Variants in TTC21A observed in about 807,000 individuals in gnomAD.
TTC21A encodes tetratricopeptide repeat domain 21A, also known as tetratricopeptide repeat protein 21A.
A neutral mutation model predicts 156.4 loss-of-function variants in TTC21A; 128 were observed. That is an observed-to-expected ratio of 0.82 (90% CI 0.71 to 0.95). The LOEUF (loss-of-function observed/expected upper bound fraction) is 0.95. Among genes scored for constraint, TTC21A ranks in the 40% least tolerant of loss-of-function variants. The probability of loss-of-function intolerance (pLI) is 0.00; values close to 1 mark genes in which losing one functional copy is unlikely to be tolerated. For missense variants in TTC21A, 1,435 were observed against 1,602.3 expected, an observed-to-expected ratio of 0.90 and a Z score of 1.78; for synonymous variants, 587 against 617.1, an observed-to-expected ratio of 0.95 and a Z score of 0.72.
chr3:39,111,128 C>T, intron 4 of TTC21A, 111 bp downstream of exon 4: 5 of 1,238,228 alleles, frequency 4.0e-6, no homozygotes, highest in Non-Finnish European at 4.4e-6. Context: ...AGAGCCACAC[C>T]CAGGCACTGG....
Position 39,130,978 on chromosome 3 carries a change from T to C in TTC21A, c.2459-14T>C. The stretch of plus-strand genomic sequence containing the variant: ...GCCAGTGAACTAACACTAATTTGAG[T>C]TTCCATTTAACAGTCCAAGACATCC... On this transcript the variant is annotated splice_polypyrimidine_tract_variant and intron_variant, in intron 18 of 28. Transcript: ENST00000683103. This position sits in a 1 kb window ranked among gnomAD's most constrained non-coding sequence, Gnocchi z 4.5. 6.2e-7 allele frequency: 1 copy of C among 1,611,534 alleles called. No homozygotes were observed. The highest frequency in any genetic ancestry group is 8.5e-7 in the Non-Finnish European group (1 of 1,178,774).
chr3:39,135,085 T>C lies in TTC21A; in HGVS notation c.2863-8T>C. 6.2e-7 allele frequency: 1 copy of C among 1,614,000 alleles called. No homozygotes were observed. Among genetic ancestry groups the C allele is most frequent in the Non-Finnish European group, 8.5e-7 (1 of 1,179,896 alleles). The stretch of plus-strand genomic sequence containing the variant: ...GGGAAATCTGGAGCTTTGTGTGTTT[T>C]CTGATAGTTGATGGCTGACCTGATG... On this transcript the variant is annotated splice_region_variant and splice_polypyrimidine_tract_variant and intron_variant, in intron 21 of 28. Transcript: ENST00000683103.
Position 39,112,535 on chromosome 3 carries a change from A to T in TTC21A, c.513A>T (p.Glu171Asp). The T allele has an allele frequency of 6.2e-7, 1 of 1,614,230 alleles. No homozygotes were observed. The highest frequency in any genetic ancestry group is 8.5e-7 in the Non-Finnish European group (1 of 1,180,040). The change falls in exon 5 of 29, where the codon GAA becomes GAT. Residue 171 changes from glutamate (E) to aspartate (D), a missense_variant. By Grantham distance (45) the Glu-to-Asp change is conservative. Transcript: ENST00000683103. ...HTAKKAIEYL[E>D]QGIQDTKDVL... is the part of the protein sequence containing the mutation. ...CGAAGAAAGCCATTGAGTACCTGGA[A>T]CAAGGAATTCAGGACACCAAAGATG...
chr3:39,113,980 T>G (rs187245161), intron 5 of TTC21A, among the ~76,000 whole-genome samples: 1 of 152,358 alleles, frequency 6.6e-6, no homozygotes, highest in Non-Finnish European at 1.5e-5. Context: ...ATTTCAAGTC[T>G]TTTAGAAGCA....
intron 19 of TTC21A, chr3:39,132,694 GA>G: frequency 3.1e-6 from 1 of 319,886 alleles, no homozygotes; most frequent in Middle Eastern, 9.7e-4. Flanking sequence ...GAGGCATACA[GA>G]ACAGAACAGT....
At chr3:39,135,615 C>T (rs1393523675) in intron 22 of TTC21A, among the ~76,000 whole-genome samples, 1 of 152,148 alleles carries the variant, frequency 6.6e-6, no homozygotes, top group Non-Finnish European at 1.5e-5. Context: ...GCCCATAGGC[C>T]CAGGAGGTCA....
chr3:39,118,526 A>G (rs570285421), intron 7 of TTC21A: 88 of 249,814 alleles, frequency 3.5e-4, no homozygotes, highest in African/African-American at 1.8e-3. Context: ...CTGGCACACT[A>G]CAGTAATTCC....
In TTC21A at chr3:39,137,626, G is replaced by C; in HGVS notation, c.3591G>C (p.Trp1197Cys). 1 of 1,614,236 alleles carries C rather than the reference G, an allele frequency of 6.2e-7. No individual in the cohort carries two copies. The highest frequency in any genetic ancestry group is 8.5e-7 in the Non-Finnish European group (1 of 1,180,042). ...AGGCTGAGGACCTGGAGAAGAGCTG[G>C]CTCCTGCTGGCTGACATTTACTGCC... ...LSEAEDLEKS[W>C]LLLADIYCQG... The change falls in exon 26 of 29, where the codon TGG (tryptophan) becomes TGC (cysteine). Residue 1197 changes from tryptophan to cysteine, a missense_variant. Transcript: ENST00000683103.
At chr3:39,109,058 A>G in intron 1 of TTC21A, 27 bp from the exon 2 acceptor site, 2 of 1,609,990 alleles carry the variant, frequency 1.2e-6, no homozygotes, top group Non-Finnish European at 1.7e-6. Flanking sequence ...GGACTGGGCT[A>G]TTGCAGTTAT....
At chr3:39,133,980 C>G (rs1015662405) in intron 20 of TTC21A, among the ~76,000 whole-genome samples, 2 of 152,144 alleles carry the variant, frequency 1.3e-5, no homozygotes, top group African/African-American at 4.8e-5. Flanking sequence ...AGAGGTGAAG[C>G]TGAAGGATGA....
rs1326501278 is a variant in TTC21A, at chr3:39,109,136, G to A, written c.79G>A (p.Ala27Thr). Residue 27 changes from alanine (A) to threonine (T), a missense_variant, in exon 2 of 29, where the codon GCT (alanine) becomes ACT (threonine). Physicochemically the swap from Ala to Thr is moderately conservative, Grantham distance 58. Transcript: ENST00000683103. Reference protein sequence around the residue: ...QEKYFHHVQQAAAVGLEKFSN... With the variant: ...QEKYFHHVQQTAAVGLEKFSN... The stretch of plus-strand genomic sequence containing the variant: ...AAAGTACTTCCACCATGTGCAGCAG[G>A]CTGCAGCTGTGGGCCTGGAAAAATT... 3.7e-6 allele frequency: 6 copies of A among 1,614,142 alleles called. No homozygotes were observed. The East Asian group carries it at 1.1e-4, about 30-fold the overall frequency.
chr3:39,110,088 C>T lies in TTC21A; in HGVS notation c.217C>T (p.Leu73=), dbSNP rs776752306. Reference sequence around the variant, plus strand: ...CATCAGGCATCACCCAGACGTGTCCCTGTGCTCCACCATGGCCCTCATTTA... The same window carrying T: ...CATCAGGCATCACCCAGACGTGTCCTTGTGCTCCACCATGGCCCTCATTTA... ...ESIRHHPDVS[L]CSTMALIYAH... The change falls in exon 3 of 29, where the codon CTG becomes TTG. Residue 73 remains leucine (L), a synonymous_variant. Transcript: ENST00000683103. 20 of 1,614,060 alleles carry T rather than the reference C, an allele frequency of 1.2e-5. No homozygotes were observed. The highest frequency in any genetic ancestry group is 8.3e-5 in the Admixed American group (5 of 60,012).
At chr3:39,121,317 T>C (rs2037751439) in intron 9 of TTC21A, 128 bp downstream of exon 9, 1 of 734,656 alleles carries the variant, frequency 1.4e-6, no homozygotes, top group East Asian at 2.6e-5. Context: ...GGGTACAATG[T>C]ATGATGGGGT....
At chr3:39,114,439 G>T in intron 5 of TTC21A, 146 bp from the exon 6 acceptor site, 1 of 733,178 alleles carries the variant, frequency 1.4e-6, no homozygotes, top group Non-Finnish European at 2.4e-6. Context: ...ACTTTGAGGG[G>T]CTACTGGCCC....
intron 1 of TTC21A, 90 bp downstream of exon 1, chr3:39,107,954 T>A: frequency 6.6e-7 from 1 of 1,505,112 alleles, no homozygotes; most frequent in Non-Finnish European, 9.2e-7. Context: ...CCTGCCACCC[T>A]TCGCTGTCCT....
chr3:39,132,336 T>C (rs1197094955), intron 19 of TTC21A, among the ~76,000 whole-genome samples: 1 of 152,192 alleles, frequency 6.6e-6, no homozygotes, highest in Non-Finnish European at 1.5e-5. Context: ...CAACCCATGC[T>C]CTTTGCACAC....
In TTC21A at chr3:39,134,379, G is replaced by C; in HGVS notation, c.2862+51G>C. 7.4e-7 allele frequency: 1 copy of C among 1,344,820 alleles called. No individual in the cohort carries two copies. The highest frequency in any genetic ancestry group is 1.1e-6 in the Non-Finnish European group (1 of 934,526). 83.3% of individuals were successfully genotyped at this position (1,344,820 alleles called of 1,614,324 possible). Reference sequence around the variant, plus strand: ...CTCCCCTCCCTTCCTCCCTTCCCAGGGTCCCTGTGACCAGATGCAGGCTAC... The same window carrying C: ...CTCCCCTCCCTTCCTCCCTTCCCAGCGTCCCTGTGACCAGATGCAGGCTAC... On this transcript the variant is annotated intron_variant, in intron 21 of 28. Transcript: ENST00000683103. This position sits in a 1 kb window ranked among gnomAD's most constrained non-coding sequence, Gnocchi z 4.6.
At position 39,128,871 on chromosome 3, in the gene TTC21A, C is replaced by G. The variant is rs368532988; in HGVS notation, c.1835C>G (p.Pro612Arg). The G allele has an allele frequency of 3.1e-6, 5 of 1,614,080 alleles. No homozygotes were observed. The African/African-American group carries it at 5.3e-5, about 17-fold the overall frequency. Residue 612 changes from proline to arginine, a missense_variant, in exon 14 of 29, where the codon CCT becomes CGT. Coordinates refer to ENST00000683103, the MANE Select transcript of TTC21A (RefSeq NM_001366900.1). Reference protein sequence around the residue: ...GRKFLRPSVQPSQRASILLEL... With the variant: ...GRKFLRPSVQRSQRASILLEL... ...AAGTTCCTCAGGCCCTCTGTGCAGC[C>G]TAGCCAGCGGGCATCCATCTTATTG...
chr3:39,113,907 T>G (rs1430802821), intron 5 of TTC21A, among the ~76,000 whole-genome samples: 1 of 152,250 alleles, frequency 6.6e-6, no homozygotes, highest in African/African-American at 2.4e-5. Flanking sequence ...CTCTTGTTTT[T>G]AATGACGAGT....
Sources: allele counts gnomAD v4.1 joint callset (sites outside exome capture counted in the v4.1 genomes callset), GRCh38; gene constraint gnomAD v4.1.1; non-coding constraint Gnocchi (gnomAD v3.1); transcripts MANE v1.5; gene names NCBI Gene and HGNC (gene_info 2026-07-23, HGNC 2026-07-21).